POLK: variants seen among roughly 807,000 people sequenced by gnomAD.
The protein encoded by POLK is DNA polymerase kappa.
A neutral mutation model predicts 94.0 loss-of-function variants in POLK; 76 were observed. That is an observed-to-expected ratio of 0.81 (90% CI 0.67 to 0.98). The LOEUF is 0.98. Among genes scored for constraint, POLK ranks in the 50% least tolerant of loss-of-function variants. POLK has a pLI of 0.00. For synonymous variants in POLK, 349 were observed against 325.4 expected, an observed-to-expected ratio of 1.07 and a Z score of -0.78; for missense variants, 954 against 1,010.1, an observed-to-expected ratio of 0.94 and a Z score of 0.75.
intron 3 of POLK, among the ~76,000 whole-genome samples, chr5:75,567,901 C>G (rs761535686): frequency 6.6e-5 from 10 of 152,196 alleles, no homozygotes; most frequent in Non-Finnish European, 1.3e-4. Flanking sequence ...ACAGATTTCA[C>G]TGTACCTCCT....
chr5:75,513,961 T>C (rs1427009059), intron 1 of POLK, among the ~76,000 whole-genome samples: 4 of 152,190 alleles, frequency 2.6e-5, no homozygotes, highest in Non-Finnish European at 5.9e-5. Context: ...TTGATAGTTA[T>C]TTAGTAAACG....
At chr5:75,540,835 T>G (rs1453119024) in intron 1 of POLK, among the ~76,000 whole-genome samples, 1 of 152,202 alleles carries the variant, frequency 6.6e-6, no homozygotes, top group Non-Finnish European at 1.5e-5. Flanking sequence ...CTCCTTCATG[T>G]TGATTCAGCA....
intron 4 of POLK, among the ~76,000 whole-genome samples, chr5:75,570,808 A>C (rs1410982243): frequency 6.6e-6 from 1 of 152,216 alleles, no homozygotes; most frequent in Non-Finnish European, 1.5e-5. Context: ...TTAGATAGCT[A>C]CAAAACTAAT....
chr5:75,512,788 T>C (rs1580888587), intron 1 of POLK: 1 of 152,246 alleles, frequency 6.6e-6, no homozygotes, highest in Non-Finnish European at 1.5e-5. Flanking sequence ...GAAAGAGTAC[T>C]TTCTTACTAC....
At chr5:75,607,221 C>T in the POLK span, among the ~76,000 whole-genome samples, 2 of 152,070 alleles carry the variant, frequency 1.3e-5, no homozygotes, top group Non-Finnish European at 2.9e-5. Context: ...AATCTCAGCA[C>T]TTTGGGAGGC....
chr5:75,591,767 A>T (rs926910605), intron 11 of POLK, among the ~76,000 whole-genome samples: 1 of 152,206 alleles, frequency 6.6e-6, no homozygotes, highest in African/African-American at 2.4e-5. Context: ...CTATACAGGT[A>T]TTCTGCAGAA....
At chr5:75,600,195 G>A (rs1773265668) in exon 15 of POLK, 1 of 152,092 alleles carries the variant, frequency 6.6e-6, no homozygotes, top group African/African-American at 2.4e-5. Context: ...CATTTCAAGT[G>A]AAAGGAAATC....
intron 1 of POLK, among the ~76,000 whole-genome samples, chr5:75,541,245 C>A (rs920917575): frequency 6.6e-6 from 1 of 151,876 alleles, no homozygotes; most frequent in East Asian, 1.9e-4. Context: ...GAGCCGATAT[C>A]GCACCATTGC....
At chr5:75,529,485 A>G (rs976535607) in intron 1 of POLK, among the ~76,000 whole-genome samples, 2 of 152,128 alleles carry the variant, frequency 1.3e-5, no homozygotes, top group Admixed American at 6.5e-5. Flanking sequence ...CATAAAAACC[A>G]TGGATGCATG....
At chr5:75,581,176 TA>T in intron 6 of POLK, 32 bp from the exon 7 acceptor site, 1 of 1,484,504 alleles carries the variant, frequency 6.7e-7, no homozygotes, top group Non-Finnish European at 9.3e-7. Flanking sequence ...CTTCTTAAAA[TA>T]AAGGTGAGTT....
chr5:75,560,605 G>A (rs1344605133), intron 3 of POLK, among the ~76,000 whole-genome samples: 2 of 152,114 alleles, frequency 1.3e-5, no homozygotes, highest in Non-Finnish European at 2.9e-5. Context: ...TGCCACGGTG[G>A]TCTGCTGCAC....
At chr5:75,530,460 A>G (rs963299386) in intron 1 of POLK, among the ~76,000 whole-genome samples, 1 of 120,252 alleles carries the variant, frequency 8.3e-6, no homozygotes, top group East Asian at 2.6e-4. Flanking sequence ...GCTGGAGTGC[A>G]TTGGCATGAT....
intron 1 of POLK, among the ~76,000 whole-genome samples, chr5:75,539,155 A>C (rs773593079): frequency 6.6e-6 from 1 of 152,112 alleles, no homozygotes; most frequent in Non-Finnish European, 1.5e-5. Flanking sequence ...TCTTTTTAAC[A>C]TTGTGCTCTT....
chr5:75,575,157 A>C (rs1441957683), intron 5 of POLK, among the ~76,000 whole-genome samples: 1 of 152,172 alleles, frequency 6.6e-6, no homozygotes, highest in Non-Finnish European at 1.5e-5. Flanking sequence ...AATATTCATG[A>C]CTTGGTTAGA....
At chr5:75,511,375 G>T, upstream of POLK, 1 of 1,547,020 alleles carries the variant, frequency 6.5e-7, no homozygotes. Flanking sequence ...CGCCGCCGCC[G>T]CGCCTGACAC....
exon 13 of POLK, chr5:75,596,934 T>A (rs764008465): frequency 1.2e-6 from 2 of 1,613,468 alleles, no homozygotes; most frequent in Non-Finnish European, 1.7e-6. Context: ...ATTCTTCTTC[T>A]ACTGTTTCAT....
chr5:75,535,094 C>T (rs1201055128), intron 1 of POLK: 1 of 152,204 alleles, frequency 6.6e-6, no homozygotes, highest in Non-Finnish European at 1.5e-5. Flanking sequence ...TGGCCAGTAA[C>T]AGTCTTTCCT....
chr5:75,542,304 C>T (rs1428459109), intron 1 of POLK, among the ~76,000 whole-genome samples: 1 of 152,020 alleles, frequency 6.6e-6, no homozygotes, highest in African/African-American at 2.4e-5. Flanking sequence ...TTCTCTCTCT[C>T]TTCCCGCCAC....
chr5:75,533,047 T>C (rs1769258519), intron 1 of POLK, among the ~76,000 whole-genome samples: 1 of 152,238 alleles, frequency 6.6e-6, no homozygotes, highest in South Asian at 2.1e-4. Flanking sequence ...CTTTTTATTC[T>C]GTTGACAGTT....
Sources: gnomAD v4.1 joint callset for allele counts (sites outside exome capture counted in the v4.1 genomes callset) on GRCh38, gnomAD v4.1.1 for gene constraint, MANE v1.5 for transcripts, NCBI Gene and HGNC (gene_info 2026-07-23, HGNC 2026-07-21) for gene names.